Variants in PKP3 observed in about 807,000 individuals in gnomAD.
PKP3 encodes plakophilin 3.
PKP3 carries 66 observed loss-of-function variants against 76.5 expected under a neutral mutation model. That is an observed-to-expected ratio of 0.86 (90% CI 0.71 to 1.06). The LOEUF (loss-of-function observed/expected upper bound fraction) is 1.06. PKP3 is among the 50% of genes least tolerant of loss of function. PKP3 has a pLI of 0.00. For synonymous variants in PKP3, 638 were observed against 516.5 expected (o/e 1.24, Z -3.19); for missense variants, 1,338 against 1,141.0 (o/e 1.17, Z -2.49).
intron 9 of PKP3, 106 bp downstream of exon 9, chr11:403,369 G>A (rs1590360997): frequency 1.2e-5 from 12 of 1,031,456 alleles, no homozygotes; most frequent in Middle Eastern, 3.1e-4. Flanking sequence ...CCCAGGGTCC[G>A]CGGAGCCTCG....
intron 5 of PKP3, among the ~76,000 whole-genome samples, chr11:399,592 T>A (rs1847116002): frequency 8.3e-6 from 1 of 119,848 alleles, no homozygotes; most frequent in Non-Finnish European, 1.7e-5. Context: ...TCCTCTCTCC[T>A]CCGTTCTGAC....
At chr11:396,514 A>AGCGATGGAGTTGTGGAT (rs1847046523) in intron 1 of PKP3, 94 bp from the exon 2 acceptor site, 1 of 850,590 alleles carries the variant, frequency 1.2e-6, no homozygotes. Flanking sequence ...GGCTGCTCCT[A>AGCGATGGAGTTGTGGAT]GGGTTGCCAA....
At chr11:399,394 ACTCCTCCACCTGCCCC>A (rs1172329804) in intron 5 of PKP3, among the ~76,000 whole-genome samples, 198 bp downstream of exon 5, 15 of 7,448 alleles carry the variant, frequency 2.0e-3, no homozygotes, top group African/African-American at 4.5e-3. Context: ...CATCTGCCCC[ACTCCTCCACCTGCCCC>A]CTCCTCCACC....
chr11:403,110 G>A lies in PKP3; in HGVS notation c.1770G>A (p.Ala590=), dbSNP rs768160226. 7 of 1,548,874 alleles carry A rather than the reference G, an allele frequency of 4.5e-6. No homozygotes were observed. The highest frequency in any genetic ancestry group is 3.6e-5 in the South Asian group (3 of 84,488). ...LPLAADALTF[A]EVSKDPKGLE... ...TCGCCGCCGATGCGCTCACCTTCGC[G>A]GAGGTGTCCAAGGACCCCAAGGGCC... The change falls in exon 9 of 13, where the codon GCG becomes GCA. Residue 590 remains alanine, a synonymous_variant. Coordinates refer to ENST00000331563, the MANE Select transcript of PKP3 (RefSeq NM_007183.4).
intron 1 of PKP3, among the ~76,000 whole-genome samples, chr11:395,457 T>A (rs1847032783): frequency 6.6e-6 from 1 of 152,188 alleles, no homozygotes; most frequent in African/African-American, 2.4e-5. Flanking sequence ...TCAGCCTTGC[T>A]GGTGACCAAG....
chr11:404,174 G>A lies in PKP3; in HGVS notation c.2270+39G>A. 1.9e-6 allele frequency: 3 copies of A among 1,606,212 alleles called. No homozygotes were observed. Among genetic ancestry groups the A allele is most frequent in the Non-Finnish European group, 2.6e-6 (3 of 1,174,726 alleles). ...CAGCCGTGCAGCAGCCTGGTCAGGG[G>A]TCCTCCCAGTCCACCCTGCTTTCTG... On this transcript the variant is annotated intron_variant, in intron 11 of 12. Coordinates refer to ENST00000331563, the MANE Select transcript of PKP3 (RefSeq NM_007183.4). This position sits in a 1 kb window ranked among gnomAD's most constrained non-coding sequence, Gnocchi z 4.2.
rs79659860 is a variant in PKP3, at chr11:404,129, G to A, written c.2264G>A (p.Arg755Gln). Residue 755 changes from arginine to glutamine, a missense_variant, in exon 11 of 13, where the codon CGG becomes CAG. Coordinates refer to ENST00000331563, the MANE Select transcript of PKP3 (RefSeq NM_007183.4). This position sits in a 1 kb window ranked among gnomAD's most constrained non-coding sequence, Gnocchi z 4.2. ...LRKLIFIKKK[R>Q]DSPDSEKSSR... ...AAGCTCATCTTCATCAAGAAGAAGC[G>A]GGACAGGTAGGGGCCGACCCAGCCG... 629 of 1,609,334 alleles carry A rather than the reference G, an allele frequency of 3.9e-4. No individual in the cohort carries two copies. The African/African-American group carries it at 4.9e-3, about 13-fold the overall frequency.
rs186068992 is a variant in PKP3, at chr11:394,341, G to A, written c.49G>A (p.Val17Met). ...GTCGGCCCTGCAGCCTGAGGCCGGC[G>A]TGTGCTCCCTGGCGCTGCCCTCTGA... ...LLSALQPEAG[V>M]CSLALPSDLQ... is the part of the protein sequence containing the mutation. Residue 17 changes from valine (V) to methionine (M), a missense_variant, in exon 1 of 13, where the codon GTG becomes ATG. By Grantham distance (21) the Val-to-Met change is conservative. Coordinates refer to ENST00000331563, the MANE Select transcript of PKP3 (RefSeq NM_007183.4). 20 of 1,514,364 alleles carry A rather than the reference G, an allele frequency of 1.3e-5. No homozygotes were observed. Among genetic ancestry groups the A allele is most frequent in the East Asian group, 5.3e-5 (2 of 37,926 alleles). The allele number at this position is 1,514,364 out of a possible 1,614,324, so 93.8% of individuals were successfully genotyped here.
chr11:394,645 T>A, intron 1 of PKP3, 121 bp downstream of exon 1: 1 of 812,226 alleles, frequency 1.2e-6, no homozygotes, highest in Non-Finnish European at 1.7e-6. Flanking sequence ...GGCCTCACAC[T>A]GAGTCACACA....
Position 400,632 on chromosome 11 carries a change from G to T in PKP3, c.1664G>T (p.Arg555Leu), listed in dbSNP as rs893989369. The change falls in exon 8 of 13, where the codon CGC (arginine) becomes CTC (leucine). Residue 555 changes from arginine to leucine, a missense_variant. Physicochemically the swap from Arg to Leu is moderately radical, Grantham distance 102 (BLOSUM62 -2). Coordinates refer to ENST00000331563, the MANE Select transcript of PKP3 (RefSeq NM_007183.4). ...SALQRLEGRGRRDLAGAPPGE... is the reference protein window; with the variant it reads ...SALQRLEGRGLRDLAGAPPGE... Reference sequence around the variant, plus strand: ...CTGCAGCGGCTGGAGGGTCGCGGCCGCAGGGACCTGGCGGGGGCGCCGCCG... The same window carrying T: ...CTGCAGCGGCTGGAGGGTCGCGGCCTCAGGGACCTGGCGGGGGCGCCGCCG... 2 of 1,401,876 alleles carry T rather than the reference G, an allele frequency of 1.4e-6. No homozygotes were observed. The highest frequency in any genetic ancestry group is 1.8e-6 in the Non-Finnish European group (2 of 1,086,768). The allele number at this position is 1,401,876 out of a possible 1,614,324, so 86.8% of individuals were successfully genotyped here. A position where few individuals can be genotyped will look rare whatever the true frequency, so the allele number is the denominator to read the frequency against.
rs1322566084 is a variant in PKP3, at chr11:399,138, C to A, written c.1215C>A (p.Ile405=). Residue 405 remains isoleucine (I), a synonymous_variant, in exon 5 of 13, where the codon ATC becomes ATA. Coordinates refer to ENST00000331563, the MANE Select transcript of PKP3 (RefSeq NM_007183.4). The part of the protein sequence containing the change: ...NKLALVEENG[I]FELLRTLREQ... ...TGGCCCTGGTGGAGGAGAACGGGAT[C>A]TTCGAGCTGCTGCGGACACTGCGGG... The A allele has an allele frequency of 6.2e-7, 1 of 1,611,734 alleles. No individual in the cohort carries two copies. Among genetic ancestry groups the A allele is most frequent in the African/African-American group, 1.3e-5 (1 of 74,850 alleles).
upstream of PKP3, chr11:392,790 T>C: frequency 1.7e-6 from 1 of 603,900 alleles, no homozygotes; most frequent in South Asian, 1.5e-5. Context: ...TCAGTGGACC[T>C]TCCCCTCCCC....
At position 397,106 on chromosome 11, in the gene PKP3, T is replaced by G; in HGVS notation, c.605T>G (p.Leu202Arg). Residue 202 changes from leucine (L) to arginine (R), a missense_variant, in exon 3 of 13, where the codon CTG (leucine) becomes CGG (arginine). Transcript: ENST00000331563. ...DDRYSLVSEQ[L>R]EPAATSTYRA... ...CGCTACAGCCTGGTGTCTGAGCAGC[T>G]GGAGCCCGCGGCCACCTCCACCTAC... is the stretch of plus-strand genomic sequence containing the variant. 1.3e-6 allele frequency: 2 copies of G among 1,597,876 alleles called. No homozygotes were observed. The highest frequency in any genetic ancestry group is 1.7e-6 in the Non-Finnish European group (2 of 1,179,234).
At position 400,025 on chromosome 11, in the gene PKP3, G is replaced by A. The variant is rs777288008; in HGVS notation, c.1332G>A (p.Thr444=). The A allele has an allele frequency of 1.2e-6, 2 of 1,608,014 alleles. No homozygotes were observed. The highest frequency in any genetic ancestry group is 2.2e-5 in the South Asian group (2 of 90,332). ...DHLKDRLARD[T]LEQLTDLVLS... ...TGAAGGACCGCCTGGCCAGAGACAC[G>A]CTGGAGCAGCTCACAGACCTGGTGT... The change falls in exon 6 of 13, where the codon ACG becomes ACA. Residue 444 remains threonine (T), a synonymous_variant. Coordinates refer to ENST00000331563, the MANE Select transcript of PKP3 (RefSeq NM_007183.4).
Position 399,160 on chromosome 11 carries a change from C to A in PKP3, c.1237C>A (p.Arg413=). Residue 413 remains arginine, a synonymous_variant, in exon 5 of 13, where the codon CGG becomes AGG. Transcript: ENST00000331563. The part of the protein sequence containing the change: ...NGIFELLRTL[R]EQDDELRKNV... Reference sequence around the variant, plus strand: ...GATCTTCGAGCTGCTGCGGACACTGCGGGAGCAGGATGATGAGCTTCGCAA... The same window carrying A: ...GATCTTCGAGCTGCTGCGGACACTGAGGGAGCAGGATGATGAGCTTCGCAA... 3 of 1,608,434 alleles carry A rather than the reference C, an allele frequency of 1.9e-6. No individual in the cohort carries two copies. The highest frequency in any genetic ancestry group is 2.5e-6 in the Non-Finnish European group (3 of 1,177,606).
chr11:403,151 GC>G lies in PKP3; in HGVS notation c.1816del (p.Gln606ArgfsTer41). On this transcript the variant is annotated frameshift_variant, in exon 9 of 13. Transcript: ENST00000331563. LOFTEE classifies it high-confidence loss of function. ...KDPKGLEWLW[S>X]PQIVGLYNRL... ...CCCAAGGGCCTCGAGTGGCTGTGGA[GC>G]CCCCAGATCGTGGGGCTGTACAACC... The G allele has an allele frequency of 1.3e-6, 2 of 1,581,262 alleles. No homozygotes were observed. Among genetic ancestry groups the G allele is most frequent in the Non-Finnish European group, 8.6e-7 (1 of 1,165,560 alleles).
rs751960573 is a variant in PKP3 at position 400,070 on chromosome 11, TG to T, written c.1382del (p.Gly461ValfsTer186). Reference sequence around the variant, plus strand: ...TGGTGTTGAGCCCCCTGTCGGGGGCTGGGGGTCCCCCCCTCATCCAGCAGAA... The same window carrying T: ...TGGTGTTGAGCCCCCTGTCGGGGGCTGGGGTCCCCCCCTCATCCAGCAGAA... ...DLVLSPLSGA[G>X]GPPLIQQNAS... On this transcript the variant is annotated frameshift_variant, in exon 6 of 13. Transcript: ENST00000331563. LOFTEE classifies it high-confidence loss of function. The T allele has an allele frequency of 1.2e-6, 2 of 1,602,546 alleles. No homozygotes were observed. The highest frequency in any genetic ancestry group is 1.7e-6 in the Non-Finnish European group (2 of 1,176,778).
chr11:393,029 C>T (rs914960329), upstream of PKP3, among the ~76,000 whole-genome samples: 9 of 152,090 alleles, frequency 5.9e-5, no homozygotes, highest in South Asian at 1.0e-3. Context: ...AGAGGCTGTC[C>T]GATGAGCTCG....
intron 9 of PKP3, 54 bp downstream of exon 9, chr11:403,317 G>C (rs924496738): frequency 7.3e-6 from 10 of 1,368,346 alleles, no homozygotes; most frequent in Non-Finnish European, 9.9e-6. Flanking sequence ...GCGGTTGAGG[G>C]GGGGACAGAG....
Sources: gnomAD v4.1 joint callset for allele counts (sites outside exome capture counted in the v4.1 genomes callset) on GRCh38, gnomAD v4.1.1 for gene constraint, Gnocchi (gnomAD v3.1) non-coding constraint, MANE v1.5 for transcripts, NCBI Gene and HGNC (gene_info 2026-07-23, HGNC 2026-07-21) for gene names.